GPC6: variants seen among roughly 807,000 people sequenced by gnomAD.
GPC6 encodes the protein glypican 6.
A neutral mutation model predicts 55.2 loss-of-function variants in GPC6; 14 were observed. The observed-to-expected ratio is 0.25, with a 90% CI of 0.17 to 0.40. GPC6 has a LOEUF of 0.40. GPC6 is among the 10% of genes least tolerant of loss of function. The probability of loss-of-function intolerance (pLI) is 1.00; values close to 1 mark genes in which losing one functional copy is unlikely to be tolerated. For synonymous variants in GPC6, 278 were observed against 259.6 expected, an observed-to-expected ratio of 1.07 and a Z score of -0.68; for missense variants, 641 against 708.5, an observed-to-expected ratio of 0.90 and a Z score of 1.08.
intron 1 of GPC6, among the ~76,000 whole-genome samples, chr13:93,425,905 C>T (rs9524058): frequency 0.14 from 21,258 of 152,086 alleles, 2,092 homozygotes; most frequent in East Asian, 0.46. Flanking sequence ...GCACAGGTGC[C>T]CTGCAGCCCA....
chr13:93,278,061 A>G (rs1176883726), intron 1 of GPC6, among the ~76,000 whole-genome samples: 2 of 152,270 alleles, frequency 1.3e-5, no homozygotes, highest in East Asian at 3.9e-4. Flanking sequence ...CAACAGTAAT[A>G]ATTTGCTGGT....
At chr13:93,925,393 A>C (rs1030365105) in intron 3 of GPC6, among the ~76,000 whole-genome samples, 1 of 152,162 alleles carries the variant, frequency 6.6e-6, no homozygotes, top group Non-Finnish European at 1.5e-5. Context: ...TATTCCTGGG[A>C]ATAGAAGAAG....
intron 2 of GPC6, among the ~76,000 whole-genome samples, chr13:93,572,487 C>T (rs1160137905): frequency 1.3e-5 from 2 of 152,110 alleles, no homozygotes; most frequent in Non-Finnish European, 2.9e-5. Context: ...CCCAGATCTG[C>T]TAAACAGATA....
At chr13:93,684,422 A>T (rs1881967385) in intron 2 of GPC6, among the ~76,000 whole-genome samples, 1 of 152,156 alleles carries the variant, frequency 6.6e-6, no homozygotes, top group Non-Finnish European at 1.5e-5. Context: ...TCCTGGCCTC[A>T]GCTGATCCAC....
chr13:94,357,218 A>G (rs1196098334), intron 6 of GPC6, among the ~76,000 whole-genome samples: 4 of 152,166 alleles, frequency 2.6e-5, no homozygotes, highest in African/African-American at 7.2e-5. Flanking sequence ...TCTCCAACAT[A>G]TGCACTTTGC....
intron 2 of GPC6, among the ~76,000 whole-genome samples, chr13:93,705,828 G>A (rs1049176676): frequency 8.5e-6 from 1 of 117,998 alleles, no homozygotes; most frequent in African/African-American, 3.5e-5. Context: ...TTTTTTTTTT[G>A]TATACTTCCT....
chr13:93,607,550 G>T lies in GPC6; in HGVS notation c.319+62129G>T, dbSNP rs139387728. 2.0e-5 allele frequency among the ~76,000 whole-genome samples: 3 copies of T among 152,244 alleles called. No individual in the cohort carries two copies. The East Asian group carries it at 5.8e-4, about 29-fold the overall frequency. On this transcript the variant is annotated intron_variant, in intron 2 of 8. Transcript: ENST00000377047. The stretch of plus-strand genomic sequence containing the variant: ...ATTCCTGCAGCACAGAAACACCCCC[G>T]TCATTACTGAGTATCTCTCTAACAG...
intron 1 of GPC6, among the ~76,000 whole-genome samples, chr13:93,269,169 T>A (rs905496355): frequency 2.6e-5 from 4 of 152,174 alleles, no homozygotes; most frequent in African/African-American, 9.7e-5. Context: ...GATGCGTTTG[T>A]CTAGCAATAT....
intron 2 of GPC6, among the ~76,000 whole-genome samples, chr13:93,692,614 C>T (rs1023266985): frequency 1.3e-5 from 2 of 151,948 alleles, no homozygotes; most frequent in East Asian, 3.9e-4. Flanking sequence ...TAGAAATTTT[C>T]CTTCTACCAT....
At chr13:93,232,379 C>T (rs1449939332) in intron 1 of GPC6, among the ~76,000 whole-genome samples, 1 of 152,062 alleles carries the variant, frequency 6.6e-6, no homozygotes, top group Admixed American at 6.6e-5. Context: ...CACTAGATTT[C>T]TAAAAGAATC....
chr13:93,936,609 T>C (rs2140359102), intron 3 of GPC6, among the ~76,000 whole-genome samples: 1 of 152,282 alleles, frequency 6.6e-6, no homozygotes, highest in Non-Finnish European at 1.5e-5. Flanking sequence ...TACTCAAATA[T>C]TGGTTTTGAA....
chr13:93,386,667 T>G (rs1186901769), intron 1 of GPC6, among the ~76,000 whole-genome samples: 2 of 152,204 alleles, frequency 1.3e-5, no homozygotes, highest in Admixed American at 1.3e-4. Flanking sequence ...AATCACTGTA[T>G]TATTGCCCCA....
chr13:93,494,676 C>T (rs554915077), intron 1 of GPC6, among the ~76,000 whole-genome samples: 1 of 151,970 alleles, frequency 6.6e-6, no homozygotes, highest in East Asian at 1.9e-4. Context: ...TGTTCCTTTC[C>T]ATGTTTAGCA....
chr13:94,399,491 A>G (rs908538632), intron 8 of GPC6, among the ~76,000 whole-genome samples: 2 of 152,224 alleles, frequency 1.3e-5, no homozygotes, highest in Non-Finnish European at 2.9e-5. Flanking sequence ...TTACCCTTAC[A>G]AAGAGAATTC....
intron 7 of GPC6, among the ~76,000 whole-genome samples, chr13:94,383,797 C>CTTAGGG (rs1566743255): frequency 1.1e-4 from 17 of 152,006 alleles, no homozygotes; most frequent in Admixed American, 3.3e-4. Flanking sequence ...CTTGATTGAC[C>CTTAGGG]CACAGTTCCC....
chr13:94,052,959 G>A lies in GPC6; in HGVS notation c.877+25065G>A, dbSNP rs549144379. Among the ~76,000 whole-genome samples, 4 of 152,048 alleles carry A rather than the reference G, an allele frequency of 2.6e-5. No homozygotes were observed. The South Asian group carries it at 8.3e-4, about 32-fold the overall frequency. ...CTGGGACTCTATTCTCTCTCAAGTGGCCTCTTACAAATACAACCATCCTAG... is the reference window on the plus strand; with the variant it reads ...CTGGGACTCTATTCTCTCTCAAGTGACCTCTTACAAATACAACCATCCTAG... On this transcript the variant is annotated intron_variant, in intron 4 of 8. Transcript: ENST00000377047.
chr13:93,655,692 C>A (rs757536163), intron 2 of GPC6, among the ~76,000 whole-genome samples: 5 of 152,070 alleles, frequency 3.3e-5, no homozygotes, highest in Non-Finnish European at 5.9e-5. Flanking sequence ...TGGAAAAGTA[C>A]AATGGCAACT....
chr13:93,323,498 T>C (rs1316945899), intron 1 of GPC6, among the ~76,000 whole-genome samples: 1 of 152,186 alleles, frequency 6.6e-6, no homozygotes, highest in Non-Finnish European at 1.5e-5. Flanking sequence ...TTTTATTAGG[T>C]TATGCCTCAG....
At chr13:93,581,446 T>G (rs923548826) in intron 2 of GPC6, among the ~76,000 whole-genome samples, 9 of 152,204 alleles carry the variant, frequency 5.9e-5, no homozygotes, top group Non-Finnish European at 7.3e-5. Flanking sequence ...TTGTGGCTCA[T>G]GCCCTAATCC....
Sources: allele counts gnomAD v4.1 joint callset (sites outside exome capture counted in the v4.1 genomes callset), GRCh38; gene constraint gnomAD v4.1.1; transcripts MANE v1.5; gene names NCBI Gene and HGNC (gene_info 2026-07-23, HGNC 2026-07-21).